EMSY: variants seen among roughly 807,000 people sequenced by gnomAD.
The protein encoded by EMSY is EMSY transcriptional repressor, BRCA2 interacting.
Under a neutral mutation model 134.6 loss-of-function variants are expected in EMSY, and 26 were observed. The ratio of observed to expected loss-of-function variants is 0.19; its 90% confidence interval spans 0.14 to 0.27. EMSY has a LOEUF of 0.27. EMSY is among the 10% of genes least tolerant of loss of function. The pLI is 1.00. For synonymous variants in EMSY, 579 were observed against 577.8 expected (o/e 1.00, Z -0.03); for missense variants, 1,305 against 1,611.4 (o/e 0.81, Z 3.26).
chr11:76,528,172 C>G, intron 13 of EMSY, 96 bp from the exon 15 acceptor site: 1 of 1,080,946 alleles, frequency 9.3e-7, no homozygotes, highest in Non-Finnish European at 1.4e-6. Flanking sequence ...AGAATAGTTT[C>G]CATACCAGGA....
rs1424685859 is a variant in EMSY at position 76,498,067 on chromosome 11, C to T, written c.1363+1598C>T. Reference sequence around the variant, plus strand: ...TTATTCAATTTTTTGTGTAAGACTTCTTCTTTGACCCATGGATTATTTAGA... The same window carrying T: ...TTATTCAATTTTTTGTGTAAGACTTTTTCTTTGACCCATGGATTATTTAGA... On this transcript the variant is annotated intron_variant, in intron 9 of 20. Coordinates refer to ENST00000334736, the Ensembl canonical transcript of EMSY. Among the ~76,000 whole-genome samples the T allele has an allele frequency of 3.3e-5, 5 of 152,052 alleles. No homozygotes were observed. In the South Asian group the frequency reaches 1.0e-3, roughly 32 times the overall value.
intron 20 of EMSY, among the ~76,000 whole-genome samples, chr11:76,549,228 G>A (rs1332320681): frequency 2.0e-5 from 3 of 152,282 alleles, no homozygotes; most frequent in East Asian, 3.9e-4. Context: ...GGAAGGACTA[G>A]TACAAAAGCA....
chr11:76,549,547 GTTC>G lies in EMSY; in HGVS notation c.3775-400_3775-398del, dbSNP rs1294487199. ...ATAATAAATGAAAGCTTTATTCAAAGTTCTTCTCTTGAATTAGGCAATAGATTT... is the reference window on the plus strand; with the variant it reads ...ATAATAAATGAAAGCTTTATTCAAAGTTCTCTTGAATTAGGCAATAGATTT... On this transcript the variant is annotated intron_variant, in intron 20 of 20. Coordinates refer to ENST00000334736, the Ensembl canonical transcript of EMSY. 2.6e-5 allele frequency among the ~76,000 whole-genome samples: 4 copies of G among 152,122 alleles called. No homozygotes were observed. In the East Asian group the frequency reaches 5.8e-4, roughly 22 times the overall value.
intron 14 of EMSY, among the ~76,000 whole-genome samples, chr11:76,530,734 A>T (rs1397106962): frequency 6.6e-6 from 1 of 152,164 alleles, no homozygotes; most frequent in Admixed American, 6.5e-5. Context: ...CTACATTCTT[A>T]CAAAGACTAG....
intron 20 of EMSY, among the ~76,000 whole-genome samples, chr11:76,546,741 A>C (rs1327960164): frequency 6.6e-6 from 1 of 152,224 alleles, no homozygotes; most frequent in Non-Finnish European, 1.5e-5. Context: ...TTGGAAAAAC[A>C]GTTCTTGTTC....
At chr11:76,530,463 A>G (rs765892651) in intron 14 of EMSY, among the ~76,000 whole-genome samples, 3 of 152,088 alleles carry the variant, frequency 2.0e-5, no homozygotes, top group African/African-American at 4.8e-5. Flanking sequence ...GTCCAGCTGA[A>G]TCTTCAGTTT....
chr11:76,548,451 G>C lies in EMSY; in HGVS notation c.3775-1501G>C, dbSNP rs150963703. Among the ~76,000 whole-genome samples, 651 of 152,310 alleles carry C rather than the reference G, an allele frequency of 4.3e-3. 3 individuals carry two copies. The highest frequency in any genetic ancestry group is 9.0e-3 in the Admixed American group (138 of 15,294). ...TTCCAGGCACAGTGCTAAGTGCTGA[G>C]AATAGGGAAGTAAACAAGATGTATC... On this transcript the variant is annotated intron_variant, in intron 20 of 20. Coordinates refer to ENST00000334736, the Ensembl canonical transcript of EMSY.
At chr11:76,506,683 A>G (rs1490169885) in intron 9 of EMSY, among the ~76,000 whole-genome samples, 1 of 152,212 alleles carries the variant, frequency 6.6e-6, no homozygotes, top group Non-Finnish European at 1.5e-5. Context: ...CCCCTATCAC[A>G]TTGGCAAAAA....
chr11:76,535,832 T>G (rs1371321397), intron 14 of EMSY, 63 bp from the exon 16 acceptor site: 4 of 1,188,920 alleles, frequency 3.4e-6, no homozygotes, highest in Non-Finnish European at 3.3e-6. Context: ...AATTGTTTGT[T>G]TTTTTTTTTT....
intron 7 of EMSY, among the ~76,000 whole-genome samples, 200 bp from the exon 9 acceptor site, chr11:76,472,364 T>A (rs1340017675): frequency 6.6e-6 from 1 of 152,218 alleles, no homozygotes; most frequent in Non-Finnish European, 1.5e-5. Context: ...AATATTTGAT[T>A]TGTAAAATTG....
In EMSY at chr11:76,500,537, G is replaced by A. The variant is rs552012943; in HGVS notation, c.1363+4068G>A. 7.6e-4 allele frequency among the ~76,000 whole-genome samples: 116 copies of A among 152,266 alleles called. 1 individual carries two copies. The Middle Eastern group carries it at 0.031, about 40-fold the overall frequency. ...GGGAAGAGCCTTCATGAGGTTAGAA[G>A]AAATATCAAAAATGAACCCCAGAAA... On this transcript the variant is annotated intron_variant, in intron 9 of 20. Coordinates refer to ENST00000334736, the Ensembl canonical transcript of EMSY.
chr11:76,473,985 C>T (rs1349743297), intron 8 of EMSY, among the ~76,000 whole-genome samples: 1 of 151,552 alleles, frequency 6.6e-6, no homozygotes, highest in Non-Finnish European at 1.5e-5. Flanking sequence ...CAAAAATTAG[C>T]CGGGCATGGT....
intron 9 of EMSY, among the ~76,000 whole-genome samples, chr11:76,497,387 T>C (rs1291621847): frequency 6.6e-6 from 1 of 152,212 alleles, no homozygotes; most frequent in African/African-American, 2.4e-5. Context: ...TGGAAGTATT[T>C]ATTTCCTTTC....
chr11:76,537,802 A>C, exon 16 of EMSY: 1 of 1,598,320 alleles, frequency 6.3e-7, no homozygotes, highest in South Asian at 1.1e-5. Context: ...CAGTAAAGGA[A>C]AAATTGGAAT....
chr11:76,486,458 A>G (rs1949186806), intron 8 of EMSY, among the ~76,000 whole-genome samples: 1 of 152,202 alleles, frequency 6.6e-6, no homozygotes, highest in East Asian at 1.9e-4. Flanking sequence ...ATGAGTGTGG[A>G]TGATTTTCAA....
chr11:76,512,719 A>T (rs1321171291), intron 9 of EMSY, among the ~76,000 whole-genome samples: 1 of 150,746 alleles, frequency 6.6e-6, no homozygotes, highest in Non-Finnish European at 1.5e-5. Flanking sequence ...AATTTAGAAA[A>T]TGTAAAAAAA....
At chr11:76,536,369 A>G (rs1340916879) in intron 15 of EMSY, among the ~76,000 whole-genome samples, 7 of 152,174 alleles carry the variant, frequency 4.6e-5, no homozygotes, top group African/African-American at 1.7e-4. Context: ...AGCACTAGAA[A>G]GGAGTAGTTC....
At chr11:76,544,728 A>G in exon 19 of EMSY, 1 of 1,614,176 alleles carries the variant, frequency 6.2e-7, no homozygotes, top group South Asian at 1.1e-5. Flanking sequence ...AAACTGCAGC[A>G]GGCTCCGAAC....
intron 4 of EMSY, among the ~76,000 whole-genome samples, chr11:76,455,943 T>G (rs959628531): frequency 6.6e-6 from 1 of 152,156 alleles, no homozygotes; most frequent in East Asian, 1.9e-4. Flanking sequence ...GGATACTGGG[T>G]CAGTTTCTGT....
Sources: allele counts gnomAD v4.1 joint callset (sites outside exome capture counted in the v4.1 genomes callset), GRCh38; gene constraint gnomAD v4.1.1; transcripts MANE v1.5; gene names NCBI Gene and HGNC (gene_info 2026-07-23, HGNC 2026-07-21).